The following MAT2B variants were observed in gnomAD, a reference collection of about 807,000 sequenced individuals.
The protein encoded by MAT2B is methionine adenosyltransferase 2 non-catalytic beta subunit.
A neutral mutation model predicts 36.1 loss-of-function variants in MAT2B; 16 were observed. That is an observed-to-expected ratio of 0.44 (90% CI 0.30 to 0.67). MAT2B has a LOEUF of 0.67. MAT2B is among the 30% of genes least tolerant of loss of function. MAT2B has a pLI of 0.09. For synonymous variants in MAT2B, 148 were observed against 136.9 expected, an observed-to-expected ratio of 1.08 and a Z score of -0.57; for missense variants, 332 against 398.2, an observed-to-expected ratio of 0.83 and a Z score of 1.42.
At position 163,516,524 on chromosome 5, in the gene MAT2B, C is replaced by T; in HGVS notation, c.533C>T (p.Ala178Val). 1.2e-6 allele frequency: 2 copies of T among 1,613,500 alleles called. No individual in the cohort carries two copies. Among genetic ancestry groups the T allele is most frequent in the South Asian group, 1.1e-5 (1 of 91,072 alleles). ...KAVLENNLGA[A>V]VLRIPILYGE... is the part of the protein sequence containing the mutation. ...TGCTTTTATTCTTCTCTAGGAGCTG[C>T]TGTTTTGAGGATTCCTATTCTGTAT... The change falls in exon 5 of 7, where the codon GCT becomes GTT. Residue 178 changes from alanine (A) to valine (V), a missense_variant. Transcript: ENST00000321757.
intron 1 of MAT2B, among the ~76,000 whole-genome samples, chr5:163,507,749 A>G (rs1223989474): frequency 6.6e-6 from 1 of 152,250 alleles, no homozygotes; most frequent in African/African-American, 2.4e-5. Flanking sequence ...AAAAGCCTCA[A>G]CAAAACAGTG....
intron 1 of MAT2B, among the ~76,000 whole-genome samples, chr5:163,508,661 A>G (rs1437227516): frequency 3.3e-5 from 5 of 150,400 alleles, no homozygotes; most frequent in African/African-American, 7.3e-5. Context: ...CGTGTCCCCC[A>G]GGCTGGAGTG....
intron 6 of MAT2B, 177 bp from the exon 7 acceptor site, chr5:163,518,016 G>A: frequency 1.9e-6 from 1 of 526,134 alleles, no homozygotes. Context: ...ACTTTGGGAG[G>A]CTGACGCAGG....
chr5:163,518,967 A>G lies in MAT2B; in HGVS notation c.*604A>G, dbSNP rs1303701359. The G allele has an allele frequency of 6.6e-6, 1 of 152,256 alleles. No individual in the cohort carries two copies. Among genetic ancestry groups the G allele is most frequent in the Non-Finnish European group, 1.5e-5 (1 of 67,942 alleles). The allele number at this position is 152,256 out of a possible 1,614,324, so 9.4% of individuals were successfully genotyped here. On this transcript the variant is annotated 3_prime_UTR_variant, in exon 7 of 7. Coordinates refer to ENST00000321757, the MANE Select transcript of MAT2B (RefSeq NM_013283.5). Reference sequence around the variant, plus strand: ...CACTTGAAAGAGCGTGTGTACATGTATTTTTTTTCTAGGCAAACATTGAAT... The same window carrying G: ...CACTTGAAAGAGCGTGTGTACATGTGTTTTTTTTCTAGGCAAACATTGAAT...
In MAT2B at chr5:163,518,582, T is replaced by G. The variant is rs1760170925; in HGVS notation, c.*219T>G. ...TTTCTTTTTATCATTTTGTTTGTCC[T>G]GGCTAAACTTGGAGTTTGAGTATAG... is the stretch of plus-strand genomic sequence containing the variant. On this transcript the variant is annotated 3_prime_UTR_variant, in exon 7 of 7. Transcript: ENST00000321757. 1 of 362,194 alleles carries G rather than the reference T, an allele frequency of 2.8e-6. No individual in the cohort carries two copies. The highest frequency in any genetic ancestry group is 4.9e-6 in the Non-Finnish European group (1 of 203,418). The allele number at this position is 362,194 out of a possible 1,614,324, so 22.4% of individuals were successfully genotyped here.
At chr5:163,503,476 A>C, upstream of MAT2B, 3 of 1,545,208 alleles carry the variant, frequency 1.9e-6, no homozygotes, top group Non-Finnish European at 2.7e-6. Flanking sequence ...GAGATGCTTT[A>C]AAAGCATTCC....
chr5:163,516,871 C>A, intron 5 of MAT2B, 160 bp downstream of exon 5: 1 of 634,596 alleles, frequency 1.6e-6, no homozygotes, highest in South Asian at 1.9e-5. Flanking sequence ...ACACTGTATT[C>A]ATGAAGAATA....
At chr5:163,518,098 A>G (rs1760159944) in intron 6 of MAT2B, 95 bp from the exon 7 acceptor site, 2 of 825,404 alleles carry the variant, frequency 2.4e-6, no homozygotes, top group South Asian at 4.0e-5. Flanking sequence ...GTTTAAAAAT[A>G]TATACATATT....
chr5:163,510,017 T>C (rs1417546112), intron 1 of MAT2B, among the ~76,000 whole-genome samples: 2 of 152,168 alleles, frequency 1.3e-5, no homozygotes, highest in Non-Finnish European at 2.9e-5. Context: ...TTTGGTGTCT[T>C]TTAAAAAAAA....
intron 4 of MAT2B, 80 bp downstream of exon 4, chr5:163,514,074 A>C (rs1464056109): frequency 8.6e-7 from 1 of 1,163,000 alleles, no homozygotes; most frequent in Non-Finnish European, 1.2e-6. Flanking sequence ...ATATGTTTTA[A>C]ATTTAAAAAG....
intron 1 of MAT2B, among the ~76,000 whole-genome samples, chr5:163,507,339 T>C (rs1378554351): frequency 1.3e-5 from 2 of 152,206 alleles, no homozygotes; most frequent in Non-Finnish European, 2.9e-5. Flanking sequence ...CCTATACAAT[T>C]TGGTATCATT....
chr5:163,507,732 C>T (rs768536472), intron 1 of MAT2B, among the ~76,000 whole-genome samples: 10 of 152,040 alleles, frequency 6.6e-5, no homozygotes, highest in Non-Finnish European at 1.3e-4. Context: ...TTCTAAAGAA[C>T]GAACCAAAAA....
chr5:163,513,429 A>G (rs900171559), intron 2 of MAT2B, 126 bp from the exon 3 acceptor site: 21 of 583,450 alleles, frequency 3.6e-5, no homozygotes, highest in African/African-American at 1.9e-4. Flanking sequence ...AGAAATTACA[A>G]TGATTTATTC....
intron 2 of MAT2B, 187 bp from the exon 3 acceptor site, chr5:163,513,363 AAATAT>A (rs1760080221): frequency 4.0e-6 from 2 of 497,714 alleles, no homozygotes; most frequent in East Asian, 6.4e-5. Context: ...CAGTGCCTAT[AAATAT>A]TTTAAGTTTG....
Position 163,515,770 on chromosome 5 carries a change from C to CTTTTTCTTTTTTTTT in MAT2B, c.527-743_527-742insCTTTTTTTTTTTTTT, listed in dbSNP as rs1760121173. Among the ~76,000 whole-genome samples the CTTTTTCTTTTTTTTT allele has an allele frequency of 8.6e-5, 6 of 69,780 alleles. 2 individuals are homozygous for CTTTTTCTTTTTTTTT. Among genetic ancestry groups the CTTTTTCTTTTTTTTT allele is most frequent in the African/African-American group, 4.4e-4 (6 of 13,598 alleles). 45.8% of individuals were successfully genotyped at this position (69,780 alleles called of 152,430 possible). ...TTAACAAATGTGGTTTTGCCTTTTT[C>CTTTTTCTTTTTTTTT]TTTTTTTTTTTTTTTTTTTTTTTTT... On this transcript the variant is annotated intron_variant, in intron 4 of 6. Coordinates refer to ENST00000321757, the MANE Select transcript of MAT2B (RefSeq NM_013283.5).
intron 1 of MAT2B, among the ~76,000 whole-genome samples, chr5:163,506,660 G>T (rs1251185068): frequency 6.6e-6 from 1 of 152,148 alleles, no homozygotes; most frequent in Non-Finnish European, 1.5e-5. Flanking sequence ...TTCTTTGAGG[G>T]TAAAGTTAGG....
chr5:163,516,619 T>A lies in MAT2B; in HGVS notation c.628T>A (p.Ser210Thr), dbSNP rs1171347341. Residue 210 changes from serine to threonine, a missense_variant, in exon 5 of 7, where the codon TCA becomes ACA. Physicochemically the swap from Ser to Thr is moderately conservative, Grantham distance 58 (BLOSUM62 1). Transcript: ENST00000321757. The stretch of plus-strand genomic sequence containing the variant: ...TGATAAAGTGCAGTTCAGCAACAAG[T>A]CAGCAAACATGGATCACTGGCAGCA... ...MFDKVQFSNK[S>T]ANMDHWQQRF... 6 of 1,614,066 alleles carry A rather than the reference T, an allele frequency of 3.7e-6. No homozygotes were observed. Among genetic ancestry groups the A allele is most frequent in the Non-Finnish European group, 5.1e-6 (6 of 1,180,036 alleles).
chr5:163,503,409 A>G (rs1353588235), upstream of MAT2B: 27 of 1,614,076 alleles, frequency 1.7e-5, no homozygotes, highest in Non-Finnish European at 1.9e-5. Context: ...CTGAAATGCC[A>G]GAGGACATGG....
At chr5:163,509,669 C>A (rs1233802526) in intron 1 of MAT2B, among the ~76,000 whole-genome samples, 2 of 152,296 alleles carry the variant, frequency 1.3e-5, no homozygotes, top group Non-Finnish European at 2.9e-5. Context: ...AGTATTTTTT[C>A]AGGAATCTTT....
Sources: allele counts gnomAD v4.1 joint callset (sites outside exome capture counted in the v4.1 genomes callset), GRCh38; gene constraint gnomAD v4.1.1; transcripts MANE v1.5; gene names NCBI Gene and HGNC (gene_info 2026-07-23, HGNC 2026-07-21).